CACNA1I: variants seen among roughly 807,000 people sequenced by gnomAD.
CACNA1I encodes the protein voltage-dependent T-type calcium channel subunit alpha-1I.
Under a neutral mutation model 201.6 loss-of-function variants are expected in CACNA1I, and 74 were observed. The observed-to-expected ratio is 0.37, with a 90% CI of 0.30 to 0.45. The LOEUF is 0.45. Ranked by LOEUF, CACNA1I falls within the 20% of genes least tolerant of loss-of-function variation. The pLI, the probability that CACNA1I is intolerant of heterozygous loss-of-function variation, is 1.00. For synonymous variants in CACNA1I, 1,431 were observed against 1,345.2 expected (o/e 1.06, Z -1.40); for missense variants, 2,346 against 3,138.1 (o/e 0.75, Z 6.03).
intron 5 of CACNA1I, among the ~76,000 whole-genome samples, chr22:39,635,032 C>T (rs985178390): frequency 8.5e-5 from 13 of 152,124 alleles, no homozygotes; most frequent in East Asian, 1.9e-4. Flanking sequence ...AAGCAGGGGG[C>T]GAGACATTCC....
At position 39,571,748 on chromosome 22, in the gene CACNA1I, A is replaced by G. The variant is rs1932190866; in HGVS notation, c.236+760A>G. ...CAGCTTAAGCATCACCTCCTCAGGG[A>G]AGCCCTCTGGGATTCCTCCTCTGCT... is the stretch of plus-strand genomic sequence containing the variant. On this transcript the variant is annotated intron_variant, in intron 1 of 36. Transcript: ENST00000402142. Among the ~76,000 whole-genome samples the G allele has an allele frequency of 4.6e-5, 7 of 152,222 alleles. No homozygotes were observed. In the South Asian group the frequency reaches 1.4e-3, roughly 32 times the overall value.
chr22:39,673,206 G>T, intron 28 of CACNA1I, 124 bp downstream of exon 28: 1 of 1,063,946 alleles, frequency 9.4e-7, no homozygotes. Context: ...TGCAGGCATG[G>T]TGGGCTCCTT....
At chr22:39,647,233 C>G (rs1289743772) in intron 8 of CACNA1I, among the ~76,000 whole-genome samples, 1 of 152,248 alleles carries the variant, frequency 6.6e-6, no homozygotes, top group Non-Finnish European at 1.5e-5. Flanking sequence ...ATTCTTCCCC[C>G]CCACTGCAGC....
intron 7 of CACNA1I, 138 bp from the exon 8 acceptor site, chr22:39,646,431 A>T (rs1934488297): frequency 1.5e-6 from 2 of 1,322,362 alleles, no homozygotes; most frequent in Admixed American, 5.7e-5. Flanking sequence ...CGCCATCTCC[A>T]TCTCCATCTC....
chr22:39,609,941 C>T (rs867531790), intron 3 of CACNA1I, among the ~76,000 whole-genome samples: 2 of 152,210 alleles, frequency 1.3e-5, no homozygotes, highest in Admixed American at 6.5e-5. Context: ...AGATCTCTAA[C>T]GTCAATACCA....
rs553170617 is a variant in CACNA1I, at chr22:39,648,893, C to T, written c.1568-608C>T. Among the ~76,000 whole-genome samples, 3 of 152,066 alleles carry T rather than the reference C, an allele frequency of 2.0e-5. No homozygotes were observed. In the South Asian group the frequency reaches 6.2e-4, roughly 31 times the overall value. On this transcript the variant is annotated intron_variant, in intron 9 of 36. Coordinates refer to ENST00000402142, the MANE Select transcript of CACNA1I (RefSeq NM_021096.4). The surrounding 1 kb of genome is among the most constrained non-coding windows in gnomAD (Gnocchi z 5.4). ...AGTTCCCTCTTCCCAGGGGCCCTTC[C>T]TGCCCGCTGCCCCCACCTCCACCCC...
chr22:39,663,600 A>G (rs1430950076), intron 18 of CACNA1I, 118 bp from the exon 19 acceptor site: 27 of 1,206,532 alleles, frequency 2.2e-5, no homozygotes, highest in Non-Finnish European at 2.8e-5. Flanking sequence ...AGAGGAGAGG[A>G]TAGGGGTTGC....
At chr22:39,572,264 G>A (rs116516050) in intron 1 of CACNA1I, among the ~76,000 whole-genome samples, 9,648 of 152,142 alleles carry the variant, frequency 0.063, 471 homozygotes, top group Admixed American at 0.18. Context: ...GGGGACCCAA[G>A]CCATGGTGGC....
chr22:39,685,389 C>G lies in CACNA1I; in HGVS notation c.6028-372C>G, dbSNP rs559324976. Among the ~76,000 whole-genome samples the G allele has an allele frequency of 4.3e-4, 63 of 145,998 alleles. No homozygotes were observed. The South Asian group carries it at 0.013, about 31-fold the overall frequency. On this transcript the variant is annotated intron_variant, in intron 36 of 36. Transcript: ENST00000402142. The surrounding 1 kb of genome is among the most constrained non-coding windows in gnomAD (Gnocchi z 5.0). The stretch of plus-strand genomic sequence containing the variant: ...CCGGAGCAAGTGGGAGGGACCGGAA[C>G]CAGTGGGAGCAGCCAAGGCTGGGGC...
At position 39,618,650 on chromosome 22, in the gene CACNA1I, A is replaced by G. The variant is rs990213392; in HGVS notation, c.483-660A>G. ...TTCATTTCCTACTGACAGTGGTGAC[A>G]TGGGTGGTGACAGGTGGAGCTGGCA... On this transcript the variant is annotated intron_variant, in intron 3 of 36. Transcript: ENST00000402142. Among the ~76,000 whole-genome samples the G allele has an allele frequency of 5.5e-5, 8 of 145,226 alleles. No individual in the cohort carries two copies. The Admixed American group carries it at 5.5e-4, about 10-fold the overall frequency.
chr22:39,635,872 G>A (rs374999259), intron 5 of CACNA1I, among the ~76,000 whole-genome samples: 14 of 152,172 alleles, frequency 9.2e-5, no homozygotes, highest in African/African-American at 2.9e-4. Context: ...GCCTTCCCTC[G>A]CCCTCCCTCA....
Position 39,686,920 on chromosome 22 carries a change from G to A in CACNA1I, c.*515G>A, listed in dbSNP as rs1935905279. 1 of 151,846 alleles carries A rather than the reference G, an allele frequency of 6.6e-6. No homozygotes were observed. Among genetic ancestry groups the A allele is most frequent in the Non-Finnish European group, 1.5e-5 (1 of 67,964 alleles). The allele number at this position is 151,846 out of a possible 1,614,324, so 9.4% of individuals were successfully genotyped here. Reference sequence around the variant, plus strand: ...TCTGAGGGCACCAGGCCCTGGAGAAGAGGTGCAATTCAGGGTGTGTGTGTG... The same window carrying A: ...TCTGAGGGCACCAGGCCCTGGAGAAAAGGTGCAATTCAGGGTGTGTGTGTG... On this transcript the variant is annotated 3_prime_UTR_variant, in exon 37 of 37. Coordinates refer to ENST00000402142, the MANE Select transcript of CACNA1I (RefSeq NM_021096.4).
At chr22:39,572,135 G>T (rs78432290) in intron 1 of CACNA1I, among the ~76,000 whole-genome samples, 9,646 of 152,190 alleles carry the variant, frequency 0.063, 470 homozygotes, top group Admixed American at 0.18. Context: ...TGAGGGATGG[G>T]ACTGTGCTCC....
intron 8 of CACNA1I, among the ~76,000 whole-genome samples, chr22:39,647,372 C>T (rs925688480): frequency 2.0e-5 from 3 of 152,196 alleles, no homozygotes; most frequent in Non-Finnish European, 2.9e-5. Context: ...GTTGGGGACT[C>T]ATGCCACCCT....
At chr22:39,632,756 T>C (rs990948416) in intron 4 of CACNA1I, among the ~76,000 whole-genome samples, 2 of 152,214 alleles carry the variant, frequency 1.3e-5, no homozygotes, top group East Asian at 1.9e-4. Flanking sequence ...AGGCCTGCAG[T>C]TGGCCTACTT....
intron 10 of CACNA1I, among the ~76,000 whole-genome samples, chr22:39,657,539 C>CG: frequency 6.6e-6 from 1 of 152,284 alleles, no homozygotes; most frequent in East Asian, 1.9e-4. Flanking sequence ...TCTGCATGGG[C>CG]GGGGGTTAAG....
chr22:39,656,829 C>T (rs953103087), intron 10 of CACNA1I: 10 of 512,382 alleles, frequency 2.0e-5, no homozygotes, highest in Middle Eastern at 3.2e-4. Context: ...ATCTGTAAAA[C>T]GGAGAGGCTA....
At chr22:39,579,766 C>A (rs1932490257) in intron 1 of CACNA1I, among the ~76,000 whole-genome samples, 1 of 152,136 alleles carries the variant, frequency 6.6e-6, no homozygotes, top group Non-Finnish European at 1.5e-5. Context: ...CCTGCCTCAG[C>A]CTCCTGAGTA....
chr22:39,630,974 G>A (rs1934047178), intron 4 of CACNA1I, among the ~76,000 whole-genome samples: 1 of 152,198 alleles, frequency 6.6e-6, no homozygotes, highest in Admixed American at 6.5e-5. Flanking sequence ...GTGTGGCAGG[G>A]AGGATGGAGG....
Sources: allele counts gnomAD v4.1 joint callset (sites outside exome capture counted in the v4.1 genomes callset), GRCh38; gene constraint gnomAD v4.1.1; non-coding constraint Gnocchi (gnomAD v3.1); transcripts MANE v1.5; gene names NCBI Gene and HGNC (gene_info 2026-07-23, HGNC 2026-07-21).